The following TACC2 variants were observed in gnomAD, a reference collection of about 807,000 sequenced individuals.
TACC2 encodes the protein transforming acidic coiled-coil-containing protein 2.
TACC2 carries 137 observed loss-of-function variants against 227.3 expected under a neutral mutation model. The ratio of observed to expected loss-of-function variants is 0.60; its 90% CI spans 0.52 to 0.69. The LOEUF (loss-of-function observed/expected upper bound fraction) is 0.69, where lower values mean the gene tolerates loss of function less well. TACC2 is among the 30% of genes least tolerant of loss of function. The pLI, the probability that TACC2 is intolerant of heterozygous loss-of-function variation, is 0.00. For missense variants in TACC2, 3,470 were observed against 3,694.4 expected (o/e 0.94, Z 1.57); for synonymous variants, 1,523 against 1,487.5 (o/e 1.02, Z -0.55).
intron 1 of TACC2, among the ~76,000 whole-genome samples, chr10:122,006,676 G>T (rs1324045804): frequency 6.6e-6 from 1 of 151,998 alleles, no homozygotes; most frequent in Non-Finnish European, 1.5e-5. Context: ...CCTGTTTCTA[G>T]AAATTTTTCT....
intron 2 of TACC2, chr10:122,023,612 A>G (rs574737311): frequency 4.8e-4 from 72 of 151,468 alleles, no homozygotes; most frequent in Middle Eastern, 6.8e-3. Flanking sequence ...ACTTGGACAC[A>G]GGATGGGGAA....
intron 7 of TACC2, among the ~76,000 whole-genome samples, chr10:122,176,117 C>CTCTCTATATATATATA (rs1447382017): frequency 1.3e-4 from 7 of 54,644 alleles, no homozygotes; most frequent in African/African-American, 7.0e-5. Flanking sequence ...CTCTCTCTCT[C>CTCTCTATATATATATA]TATATATATA....
chr10:122,187,319 C>G lies in TACC2; in HGVS notation c.5835-7721C>G, dbSNP rs903234500. Among the ~76,000 whole-genome samples, 15 of 152,222 alleles carry G rather than the reference C, an allele frequency of 9.9e-5. No individual in the cohort carries two copies. In the South Asian group the frequency reaches 1.5e-3, roughly 15 times the overall value. On this transcript the variant is annotated intron_variant, in intron 7 of 22. Coordinates refer to ENST00000369005, the MANE Select transcript of TACC2 (RefSeq NM_206862.4). ...TGACCTCAGCACTACCCGGAGCTCG[C>G]CCTTTCTTCGGTACACTCTGGTGTC...
chr10:122,080,087 C>G (rs1238819975), intron 3 of TACC2, among the ~76,000 whole-genome samples: 1 of 152,152 alleles, frequency 6.6e-6, no homozygotes, highest in East Asian at 1.9e-4. Flanking sequence ...AAGTCCTGGT[C>G]AGGGTGCTGG....
At chr10:122,248,408 T>C (rs557636065) in intron 19 of TACC2, 7 of 555,766 alleles carry the variant, frequency 1.3e-5, no homozygotes, top group Non-Finnish European at 2.3e-5. Context: ...TAATGGCTCA[T>C]TTCTACCTCA....
intron 1 of TACC2, among the ~76,000 whole-genome samples, chr10:122,015,938 A>T (rs1956549346): frequency 7.0e-6 from 1 of 143,554 alleles, no homozygotes. Flanking sequence ...TTTACATTCC[A>T]GGATCCCAAA....
Position 122,237,449 on chromosome 10 carries a change from C to T in TACC2, c.8182C>T (p.Arg2728Cys), listed in dbSNP as rs776539571. The T allele has an allele frequency of 2.7e-5, 44 of 1,613,972 alleles. No individual in the cohort carries two copies. The highest frequency in any genetic ancestry group is 3.6e-5 in the Non-Finnish European group (43 of 1,179,994). Residue 2728 changes from arginine (R) to cysteine (C), a missense_variant, in exon 17 of 23, where the codon CGC (arginine) becomes TGC (cysteine). Physicochemically the swap from Arg to Cys is radical, Grantham distance 180. Transcript: ENST00000369005. ...VSISKTALYSRIGTAEVEKPA... is the reference protein window; with the variant it reads ...VSISKTALYSCIGTAEVEKPA... ...CATCTCCAAAACAGCCTTGTACTCC[C>T]GCATCGGGACCGCTGAGGTGGAGAA...
intron 1 of TACC2, among the ~76,000 whole-genome samples, chr10:122,020,190 C>A (rs1348785832): frequency 6.6e-6 from 1 of 152,156 alleles, no homozygotes; most frequent in Non-Finnish European, 1.5e-5. Context: ...ACTGATAAGG[C>A]AGTGATTCTT....
At position 122,083,767 on chromosome 10, in the gene TACC2, G is replaced by A. The variant is rs1199400051; in HGVS notation, c.1267G>A (p.Ala423Thr). The A allele has an allele frequency of 2.5e-6, 4 of 1,613,960 alleles. No individual in the cohort carries two copies. The highest frequency in any genetic ancestry group is 3.4e-6 in the Non-Finnish European group (4 of 1,180,006). ...TEEAHPASSL[A>T]SFPAAQIPIA... ...GGAAGCACATCCAGCTTCAAGCCTC[G>A]CTTCATTCCCAGCTGCTCAGATTCC... Residue 423 changes from alanine (A) to threonine (T), a missense_variant, in exon 4 of 23, where the codon GCT (alanine) becomes ACT (threonine). Around this residue, in one of 10 missense-constraint regions of TACC2, gnomAD observed 1,924 missense variants for 1,978.3 expected, o/e 0.97. Coordinates refer to ENST00000369005, the MANE Select transcript of TACC2 (RefSeq NM_206862.4).
At chr10:122,134,982 T>G (rs2089284791) in intron 6 of TACC2, among the ~76,000 whole-genome samples, 1 of 152,210 alleles carries the variant, frequency 6.6e-6, no homozygotes, top group Admixed American at 6.5e-5. Context: ...CCCTGGACAC[T>G]TCCCATGCTC....
chr10:122,017,292 C>T (rs1029057410), intron 1 of TACC2, among the ~76,000 whole-genome samples: 11 of 152,118 alleles, frequency 7.2e-5, no homozygotes, highest in African/African-American at 2.2e-4. Context: ...CACAGCAGCG[C>T]ACACAGATGG....
At chr10:122,234,957 A>C (rs2095828998) in intron 16 of TACC2, among the ~76,000 whole-genome samples, 1 of 152,204 alleles carries the variant, frequency 6.6e-6, no homozygotes, top group African/African-American at 2.4e-5. Flanking sequence ...CATCTTCAGA[A>C]GGTCCACGCT....
chr10:122,252,527 G>A (rs994973696), intron 22 of TACC2, among the ~76,000 whole-genome samples: 1 of 148,820 alleles, frequency 6.7e-6, no homozygotes, highest in Non-Finnish European at 1.5e-5. Flanking sequence ...GTCTGTCTCT[G>A]TTGCCCAGGC....
At chr10:122,002,099 G>A (rs1417571572) in intron 1 of TACC2, among the ~76,000 whole-genome samples, 1 of 152,228 alleles carries the variant, frequency 6.6e-6, no homozygotes, top group East Asian at 1.9e-4. Flanking sequence ...TAAGGCCCTA[G>A]TGAGGATCAT....
rs144252123 is a variant in TACC2 at position 122,086,238 on chromosome 10, A to T, written c.3738A>T (p.Arg1246Ser). The T allele has an allele frequency of 4.8e-5, 78 of 1,613,826 alleles. No homozygotes were observed. Among genetic ancestry groups the T allele is most frequent in the Non-Finnish European group, 6.5e-5 (77 of 1,180,042 alleles). Residue 1246 changes from arginine to serine, a missense_variant, in exon 4 of 23, where the codon AGA becomes AGT. Arg to Ser is a moderately radical substitution (Grantham distance 110). Around this residue, in one of 10 missense-constraint regions of TACC2, gnomAD observed 1,924 missense variants for 1,978.3 expected, o/e 0.97. Coordinates refer to ENST00000369005, the MANE Select transcript of TACC2 (RefSeq NM_206862.4). ...PYLHVDSAAQ[R>S]GAEDSGVKAV... is the part of the protein sequence containing the mutation. ...TGCATGTCGACAGTGCTGCCCAGAGAGGAGCAGAAGACAGTGGAGTGAAAG... is the reference window on the plus strand; with the variant it reads ...TGCATGTCGACAGTGCTGCCCAGAGTGGAGCAGAAGACAGTGGAGTGAAAG...
Position 122,211,151 on chromosome 10 carries a change from A to C in TACC2, c.6726A>C (p.Ala2242=). The C allele has an allele frequency of 6.2e-7, 1 of 1,610,362 alleles. No homozygotes were observed. The highest frequency in any genetic ancestry group is 8.5e-7 in the Non-Finnish European group (1 of 1,178,226). The stretch of plus-strand genomic sequence containing the variant: ...TGCCTCTTACCACGGCCCCGGAGGC[A>C]GGGGAGGTAACCCCATCGGATAGCG... ...KTLPLTTAPE[A]GEVTPSDSGG... Residue 2242 remains alanine (A), a synonymous_variant, in exon 9 of 23, where the codon GCA becomes GCC. Transcript: ENST00000369005.
chr10:122,122,784 AAC>A (rs2086100751), intron 5 of TACC2, among the ~76,000 whole-genome samples: 2 of 152,204 alleles, frequency 1.3e-5, no homozygotes, highest in African/African-American at 4.8e-5. Context: ...CCCTTCGCAC[AAC>A]ACCTGGCAAA....
At chr10:122,197,064 C>A (rs2094597607) in intron 8 of TACC2, among the ~76,000 whole-genome samples, 1 of 151,902 alleles carries the variant, frequency 6.6e-6, no homozygotes. Context: ...AGTTCGAGAC[C>A]AGCCTGCCCA....
chr10:122,132,049 A>AAGGAAGGAAGGAAGGAAGG (rs2088286318), intron 5 of TACC2, among the ~76,000 whole-genome samples: 3 of 5,472 alleles, frequency 5.5e-4, no homozygotes, highest in African/African-American at 4.6e-4. Context: ...AGAAAGAAAG[A>AAGGAAGGAAGGAAGGAAGG]AAGAAAGAAA....
Sources: gnomAD v4.1 joint callset for allele counts (sites outside exome capture counted in the v4.1 genomes callset) on GRCh38, gnomAD v4.1.1 for gene constraint, gnomAD v4.1.1 regional missense constraint, MANE v1.5 for transcripts, NCBI Gene and HGNC (gene_info 2026-07-23, HGNC 2026-07-21) for gene names.